The following RORA variants were observed in gnomAD, a reference collection of about 807,000 sequenced individuals.
RORA encodes nuclear receptor ROR-alpha.
RORA carries 7 observed loss-of-function variants against 69.5 expected under a neutral mutation model. That is an observed-to-expected ratio of 0.10 (90% confidence interval 0.06 to 0.19). The LOEUF is 0.19. RORA is among the 10% of genes least tolerant of loss of function. The pLI, the probability that RORA is intolerant of heterozygous loss-of-function variation, is 1.00. For synonymous variants in RORA, 261 were observed against 240.8 expected, an observed-to-expected ratio of 1.08 and a Z score of -0.78; for missense variants, 457 against 663.0, an observed-to-expected ratio of 0.69 and a Z score of 3.41.
At chr15:60,899,467 G>A (rs1334270666) in intron 1 of RORA, among the ~76,000 whole-genome samples, 1 of 152,240 alleles carries the variant, frequency 6.6e-6, no homozygotes, top group Non-Finnish European at 1.5e-5. Flanking sequence ...TAGTGACTGA[G>A]TGAAAAGTTA....
intron 1 of RORA, among the ~76,000 whole-genome samples, chr15:60,882,839 G>T (rs574800749): frequency 7.9e-5 from 12 of 152,108 alleles, no homozygotes; most frequent in Admixed American, 2.6e-4. Context: ...GATTTTATAA[G>T]CAGAAAGAAT....
chr15:60,683,419 A>G (rs1043079092), intron 1 of RORA, among the ~76,000 whole-genome samples: 2 of 152,112 alleles, frequency 1.3e-5, no homozygotes, highest in Non-Finnish European at 2.9e-5. Flanking sequence ...TGTCAGATCT[A>G]TTTCTCACTG....
At chr15:60,959,253 GA>G (rs1246669246) in intron 1 of RORA, among the ~76,000 whole-genome samples, 1 of 152,132 alleles carries the variant, frequency 6.6e-6, no homozygotes, top group African/African-American at 2.4e-5. Flanking sequence ...TGACAAGTAG[GA>G]AACTGACCCA....
At chr15:60,966,412 G>T (rs1053796020) in intron 1 of RORA, among the ~76,000 whole-genome samples, 1 of 152,076 alleles carries the variant, frequency 6.6e-6, no homozygotes, top group Non-Finnish European at 1.5e-5. Flanking sequence ...CAGCTGGCTC[G>T]CACATTCCAC....
At chr15:60,770,938 T>A (rs543813899) in intron 1 of RORA, among the ~76,000 whole-genome samples, 29 of 152,344 alleles carry the variant, frequency 1.9e-4, no homozygotes, top group African/African-American at 6.0e-4. Flanking sequence ...GAATTTCAGA[T>A]AAGCACCAAA....
chr15:61,104,228 G>A (rs991295295), intron 1 of RORA, among the ~76,000 whole-genome samples: 11 of 152,254 alleles, frequency 7.2e-5, no homozygotes, highest in South Asian at 4.1e-4. Context: ...GCACCTTCAC[G>A]CTATGCAGAC....
Position 60,905,807 on chromosome 15 carries a change from C to T in RORA, c.167-227121G>A, listed in dbSNP as rs932199795. 6.6e-6 allele frequency among the ~76,000 whole-genome samples: 1 copy of T among 152,104 alleles called. No homozygotes were observed. The highest frequency in any genetic ancestry group is 2.4e-5 in the African/African-American group (1 of 41,418). On this transcript the variant is annotated intron_variant, in intron 1 of 10. Coordinates refer to ENST00000335670, the MANE Select transcript of RORA (RefSeq NM_134261.3). The surrounding 1 kb of genome is among the most constrained non-coding windows in gnomAD (Gnocchi z 4.8). ...CACCCCCTAGTGACATGTTCCTATA[C>T]CCTAGGATATCCCTTTCCTTGCTAC...
At chr15:60,563,666 C>G (rs568646185) in intron 2 of RORA, among the ~76,000 whole-genome samples, 1 of 152,294 alleles carries the variant, frequency 6.6e-6, no homozygotes, top group South Asian at 2.1e-4. Flanking sequence ...CAGTAAACAG[C>G]AGCTCTTATT....
chr15:60,712,752 TTC>T (rs2071161721), intron 1 of RORA, among the ~76,000 whole-genome samples: 1 of 152,224 alleles, frequency 6.6e-6, no homozygotes. Flanking sequence ...TGCTCAGCTT[TTC>T]TTTATTTCCC....
In RORA at chr15:61,046,166, G is replaced by A. The variant is rs192319066; in HGVS notation, c.166+182887C>T. 3.3e-5 allele frequency among the ~76,000 whole-genome samples: 5 copies of A among 152,302 alleles called. No homozygotes were observed. In the East Asian group the frequency reaches 9.7e-4, roughly 29 times the overall value. ...ACATGTGTGCATGGGAGAGGGAAAGGAGGGCAGGGGAGGTAGTGGAGAGAA... is the reference window on the plus strand; with the variant it reads ...ACATGTGTGCATGGGAGAGGGAAAGAAGGGCAGGGGAGGTAGTGGAGAGAA... On this transcript the variant is annotated intron_variant, in intron 1 of 10. Transcript: ENST00000335670.
chr15:60,723,143 G>A (rs1222991471), intron 1 of RORA, among the ~76,000 whole-genome samples: 2 of 152,106 alleles, frequency 1.3e-5, no homozygotes, highest in Non-Finnish European at 2.9e-5. Flanking sequence ...TTATTTAAAT[G>A]ATACATAGGG....
intron 1 of RORA, among the ~76,000 whole-genome samples, chr15:60,890,905 G>A (rs1263795520): frequency 2.0e-5 from 3 of 152,216 alleles, no homozygotes; most frequent in Non-Finnish European, 4.4e-5. Flanking sequence ...TCTCTCTGAA[G>A]TGCCCAATAG....
chr15:60,940,473 GA>G (rs1354485932), intron 1 of RORA, among the ~76,000 whole-genome samples: 1 of 152,166 alleles, frequency 6.6e-6, no homozygotes, highest in Non-Finnish European at 1.5e-5. Flanking sequence ...ACAGAAAGCT[GA>G]TCTGTGGAAG....
intron 1 of RORA, among the ~76,000 whole-genome samples, chr15:60,917,530 C>A (rs911592002): frequency 8.5e-5 from 13 of 152,272 alleles, no homozygotes; most frequent in Middle Eastern, 3.4e-3. Flanking sequence ...TGCTGTCCCA[C>A]TTTTTCCCTC....
At chr15:60,600,581 T>C (rs1485127046) in intron 2 of RORA, among the ~76,000 whole-genome samples, 4 of 152,190 alleles carry the variant, frequency 2.6e-5, no homozygotes, top group Non-Finnish European at 4.4e-5. Flanking sequence ...AAAACAAGAA[T>C]AGATTTGGGT....
chr15:61,100,209 T>G (rs1244400007), intron 1 of RORA, among the ~76,000 whole-genome samples: 1 of 143,234 alleles, frequency 7.0e-6, no homozygotes, highest in African/African-American at 2.6e-5. Context: ...AGCCTCCGCC[T>G]CCGGGTTCCA....
At chr15:61,072,263 C>T (rs1021580808) in intron 1 of RORA, among the ~76,000 whole-genome samples, 5 of 152,008 alleles carry the variant, frequency 3.3e-5, no homozygotes, top group South Asian at 2.1e-4. Flanking sequence ...CCTGTATATG[C>T]CCCCTCTTCT....
chr15:61,113,435 T>C (rs1257746117), intron 1 of RORA, among the ~76,000 whole-genome samples: 2 of 152,172 alleles, frequency 1.3e-5, no homozygotes, highest in Non-Finnish European at 2.9e-5. Flanking sequence ...TGGGAGCTTC[T>C]TTACCTCCAC....
Position 60,770,215 on chromosome 15 carries a change from C to CT in RORA, c.167-91530dup, listed in dbSNP as rs146209036. On this transcript the variant is annotated intron_variant, in intron 1 of 10. Coordinates refer to ENST00000335670, the MANE Select transcript of RORA (RefSeq NM_134261.3). The stretch of plus-strand genomic sequence containing the variant: ...CTACAAATGTTCAAAAAAGATATTC[C>CT]TTTTTTTTTCTTGGAGAAAAGAGAT... Among the ~76,000 whole-genome samples, 350 of 151,448 alleles carry CT rather than the reference C, an allele frequency of 2.3e-3. 2 individuals carry two copies. The highest frequency in any genetic ancestry group is 7.7e-3 in the African/African-American group (316 of 41,262).
Sources: allele counts gnomAD v4.1 joint callset (sites outside exome capture counted in the v4.1 genomes callset), GRCh38; gene constraint gnomAD v4.1.1; non-coding constraint Gnocchi (gnomAD v3.1); transcripts MANE v1.5; gene names NCBI Gene and HGNC (gene_info 2026-07-23, HGNC 2026-07-21).